Variants in CDK6 observed in about 807,000 individuals in gnomAD.
The protein encoded by CDK6 is cyclin dependent kinase 6.
A neutral mutation model predicts 37.1 loss-of-function variants in CDK6; 6 were observed. The observed-to-expected ratio is 0.16, with a 90% confidence interval of 0.09 to 0.32. The LOEUF is 0.32. CDK6 is among the 10% of genes least tolerant of loss of function. The probability of loss-of-function intolerance (pLI) is 1.00; values close to 1 mark genes in which losing one functional copy is unlikely to be tolerated. For missense variants in CDK6, 224 were observed against 418.9 expected, an observed-to-expected ratio of 0.53 and a Z score of 4.06; for synonymous variants, 160 against 161.3, an observed-to-expected ratio of 0.99 and a Z score of 0.06.
intron 2 of CDK6, among the ~76,000 whole-genome samples, chr7:92,801,590 T>C (rs1046749513): frequency 6.6e-6 from 1 of 152,016 alleles, no homozygotes; most frequent in Admixed American, 6.6e-5. Flanking sequence ...CCAAAATTAA[T>C]TTCAAGAGAG....
rs1795407856 is a variant in CDK6, at chr7:92,605,586, T to G, written c.*9554A>C. The G allele has an allele frequency of 4.3e-6, 1 of 233,098 alleles. No individual in the cohort carries two copies. The highest frequency in any genetic ancestry group is 8.5e-6 in the Non-Finnish European group (1 of 117,982). The allele number at this position is 233,098 out of a possible 1,614,324, so 14.4% of individuals were successfully genotyped here. ...TAGATAAACTGGCTATATTTTCATC[T>G]GCCTCTTGGGAAAGGAGCAAGAGCA... On this transcript the variant is annotated 3_prime_UTR_variant, in exon 8 of 8. Transcript: ENST00000424848.
At chr7:92,676,923 C>A (rs1315788591) in intron 4 of CDK6, among the ~76,000 whole-genome samples, 1 of 147,558 alleles carries the variant, frequency 6.8e-6, no homozygotes, top group Non-Finnish European at 1.5e-5. Flanking sequence ...CGCGCCACTG[C>A]ACTCCAGCCT....
intron 5 of CDK6, among the ~76,000 whole-genome samples, chr7:92,640,575 C>T (rs986907078): frequency 6.6e-6 from 1 of 152,156 alleles, no homozygotes; most frequent in Non-Finnish European, 1.5e-5. Context: ...CAGAATCTAA[C>T]CTACAGATAC....
At chr7:92,758,607 G>C (rs1799374578) in intron 3 of CDK6, among the ~76,000 whole-genome samples, 1 of 152,118 alleles carries the variant, frequency 6.6e-6, no homozygotes. Flanking sequence ...GATTGCCTTG[G>C]CTATTCAGGC....
intron 4 of CDK6, among the ~76,000 whole-genome samples, chr7:92,677,266 T>C (rs559647039): frequency 3.3e-5 from 5 of 152,358 alleles, no homozygotes; most frequent in African/African-American, 1.2e-4. Context: ...GACTTACATT[T>C]CTAGTTAATT....
chr7:92,789,153 G>GA (rs1421010114), intron 2 of CDK6, among the ~76,000 whole-genome samples: 1 of 151,962 alleles, frequency 6.6e-6, no homozygotes, highest in Non-Finnish European at 1.5e-5. Context: ...AGTGCTGGAA[G>GA]AAAAAAGAAA....
At chr7:92,755,211 T>C (rs1197581822) in intron 3 of CDK6, among the ~76,000 whole-genome samples, 1 of 152,140 alleles carries the variant, frequency 6.6e-6, no homozygotes, top group Non-Finnish European at 1.5e-5. Context: ...GAAAGACACA[T>C]TGCTGTGGGG....
rs1463260266 is a variant in CDK6 at position 92,607,873 on chromosome 7, A to G, written c.*7267T>C. 1.7e-5 allele frequency: 4 copies of G among 233,340 alleles called. No homozygotes were observed. The highest frequency in any genetic ancestry group is 3.4e-5 in the Non-Finnish European group (4 of 117,922). The allele number at this position is 233,340 out of a possible 1,614,324, so 14.5% of individuals were successfully genotyped here. On this transcript the variant is annotated 3_prime_UTR_variant, in exon 8 of 8. Transcript: ENST00000424848. ...TACATGTGTATATTTTTGCAAACAC[A>G]GGATCAGAATGAAAAGATATATCAT...
Position 92,672,190 on chromosome 7 carries a change from T to TACACACACACAC in CDK6, c.538-667_538-656dup, listed in dbSNP as rs71107866. Among the ~76,000 whole-genome samples the TACACACACACAC allele has an allele frequency of 9.3e-3, 583 of 62,718 alleles. 36 individuals carry two copies. Among genetic ancestry groups the TACACACACACAC allele is most frequent in the Middle Eastern group, 0.023 (2 of 86 alleles). 41.1% of individuals were successfully genotyped at this position (62,718 alleles called of 152,430 possible). On this transcript the variant is annotated intron_variant, in intron 4 of 7. Coordinates refer to ENST00000424848, the MANE Select transcript of CDK6 (RefSeq NM_001145306.2). The stretch of plus-strand genomic sequence containing the variant: ...ATACACACACACACACACAGACACA[T>TACACACACACAC]ACACACACACACACACACACACACA...
intron 5 of CDK6, among the ~76,000 whole-genome samples, chr7:92,647,776 T>G (rs936814355): frequency 6.6e-6 from 1 of 152,198 alleles, no homozygotes; most frequent in African/African-American, 2.4e-5. Flanking sequence ...ATAATGAAAC[T>G]TGAAAGGTCT....
chr7:92,739,666 C>A (rs1030969847), intron 3 of CDK6, among the ~76,000 whole-genome samples: 1 of 152,228 alleles, frequency 6.6e-6, no homozygotes, highest in Non-Finnish European at 1.5e-5. Context: ...GTATCTCTTG[C>A]CTGGATTACT....
intron 3 of CDK6, among the ~76,000 whole-genome samples, chr7:92,772,202 A>AT (rs1042973694): frequency 2.3e-3 from 349 of 150,922 alleles, no homozygotes; most frequent in African/African-American, 8.0e-3. Flanking sequence ...ATAGTTCAGA[A>AT]TTTTTTTTTT....
At chr7:92,749,191 T>A in intron 3 of CDK6, among the ~76,000 whole-genome samples, 1 of 136,854 alleles carries the variant, frequency 7.3e-6, no homozygotes. Flanking sequence ...AGAGGGAGAC[T>A]CTGCCTAAAA....
chr7:92,701,592 A>G (rs1426868937), intron 4 of CDK6: 1 of 152,280 alleles, frequency 6.6e-6, no homozygotes, highest in Non-Finnish European at 1.5e-5. Flanking sequence ...TTTTTAGTAG[A>G]GACAGGATTT....
intron 2 of CDK6, among the ~76,000 whole-genome samples, chr7:92,780,068 G>C (rs558222380): frequency 2.0e-5 from 3 of 152,126 alleles, no homozygotes; most frequent in Non-Finnish European, 4.4e-5. Context: ...AACCTCCTGG[G>C]TTCAAGTGAT....
chr7:92,752,288 A>G (rs1431974757), intron 3 of CDK6, among the ~76,000 whole-genome samples: 3 of 152,244 alleles, frequency 2.0e-5, no homozygotes, highest in Non-Finnish European at 4.4e-5. Flanking sequence ...CTTGCAGACT[A>G]GACAATGTCT....
chr7:92,666,781 A>G (rs1359014744), intron 5 of CDK6, among the ~76,000 whole-genome samples: 1 of 152,220 alleles, frequency 6.6e-6, no homozygotes, highest in Non-Finnish European at 1.5e-5. Flanking sequence ...AGTATAGCAC[A>G]TATAATTATA....
At chr7:92,782,761 T>C (rs963313847) in intron 2 of CDK6, among the ~76,000 whole-genome samples, 1 of 152,200 alleles carries the variant, frequency 6.6e-6, no homozygotes, top group Admixed American at 6.5e-5. Context: ...AAAGTCAGTG[T>C]TTTGCTTATC....
intron 2 of CDK6, among the ~76,000 whole-genome samples, chr7:92,824,658 G>T (rs1168079490): frequency 6.6e-6 from 1 of 152,082 alleles, no homozygotes; most frequent in African/African-American, 2.4e-5. Context: ...AACGTGAGGT[G>T]GAATGAAAGT....
Sources: allele counts gnomAD v4.1 joint callset (sites outside exome capture counted in the v4.1 genomes callset), GRCh38; gene constraint gnomAD v4.1.1; transcripts MANE v1.5; gene names NCBI Gene and HGNC (gene_info 2026-07-23, HGNC 2026-07-21).